Variants in SUV39H2 observed in about 807,000 individuals in gnomAD.
The protein encoded by SUV39H2 is SUV39H2 histone lysine methyltransferase.
In SUV39H2, 10 loss-of-function variants were observed where a neutral mutation model predicts 47.5. The observed-to-expected ratio is 0.21, with a 90% CI of 0.13 to 0.36. The LOEUF is 0.36. Ranked by LOEUF, SUV39H2 falls within the 10% of genes least tolerant of loss-of-function variation. The pLI is 1.00. For missense variants in SUV39H2, 266 were observed against 487.4 expected (o/e 0.55, Z 4.28); for synonymous variants, 159 against 166.8 (o/e 0.95, Z 0.36).
At chr10:14,888,730 G>A (rs1833293010) in intron 2 of SUV39H2, among the ~76,000 whole-genome samples, 1 of 152,076 alleles carries the variant, frequency 6.6e-6, no homozygotes, top group Admixed American at 6.6e-5. Flanking sequence ...TCAGAGAACT[G>A]GAAAGAATCC....
Position 14,892,816 on chromosome 10 carries a change from C to CT in SUV39H2, c.178-4015dup, listed in dbSNP as rs543122499. ...CACCGAAGATAGTTGGGGGAAATGT[C>CT]TTTTTTTTTTTTTTTGGAGACGGGG... On this transcript the variant is annotated intron_variant, in intron 2 of 5. Transcript: ENST00000354919. Among the ~76,000 whole-genome samples the CT allele has an allele frequency of 6.4e-3, 893 of 139,470 alleles. 1 individual carries two copies. Among genetic ancestry groups the CT allele is most frequent in the African/African-American group, 0.011 (401 of 37,952 alleles). The allele number at this position is 139,470 out of a possible 152,430, so 91.5% of individuals were successfully genotyped here.
intron 2 of SUV39H2, among the ~76,000 whole-genome samples, chr10:14,894,566 A>T (rs1833503908): frequency 1.5e-5 from 1 of 65,404 alleles, no homozygotes; most frequent in Non-Finnish European, 2.6e-5. Flanking sequence ...ACGGGGTTTC[A>T]CCGTGTTAGC....
intron 2 of SUV39H2, among the ~76,000 whole-genome samples, chr10:14,894,650 A>ATTTCT: frequency 3.5e-5 from 2 of 57,448 alleles, no homozygotes; most frequent in Non-Finnish European, 2.9e-5. Context: ...TACAGGCGTG[A>ATTTCT]GCCACCGCGC....
In SUV39H2 at chr10:14,897,430, C is replaced by T; in HGVS notation, c.762C>T (p.Ile254=). The T allele has an allele frequency of 6.2e-7, 1 of 1,612,910 alleles. No individual in the cohort carries two copies. The highest frequency in any genetic ancestry group is 8.5e-7 in the Non-Finnish European group (1 of 1,179,234). ...VQKGTQYSLC[I]FRTSNGRGWG... ...AAGGCACACAGTATTCGCTTTGCATCTTTCGAACTAGCAATGGACGTGGCT... is the reference window on the plus strand; with the variant it reads ...AAGGCACACAGTATTCGCTTTGCATTTTTCGAACTAGCAATGGACGTGGCT... The change falls in exon 3 of 6, where the codon ATC becomes ATT. Residue 254 remains isoleucine (I), a synonymous_variant. Transcript: ENST00000354919.
chr10:14,894,957 C>T (rs1182574604), intron 2 of SUV39H2, among the ~76,000 whole-genome samples: 1 of 152,088 alleles, frequency 6.6e-6, no homozygotes, highest in African/African-American at 2.4e-5. Context: ...AAGCAGTTAT[C>T]TCAATTAACA....
intron 2 of SUV39H2, among the ~76,000 whole-genome samples, chr10:14,892,943 C>G (rs1004164897): frequency 6.6e-6 from 1 of 151,582 alleles, no homozygotes; most frequent in African/African-American, 2.4e-5. Flanking sequence ...CCTCAGCCTC[C>G]CAAGTAGCTG....
chr10:14,885,279 A>C (rs1468161515), intron 2 of SUV39H2, among the ~76,000 whole-genome samples: 1 of 152,166 alleles, frequency 6.6e-6, no homozygotes, highest in Non-Finnish European at 1.5e-5. Flanking sequence ...TTCCTCCTTC[A>C]TACCTGGATT....
intron 2 of SUV39H2, among the ~76,000 whole-genome samples, chr10:14,889,287 T>C (rs1256494685): frequency 6.6e-6 from 1 of 152,014 alleles, no homozygotes; most frequent in Non-Finnish European, 1.5e-5. Flanking sequence ...TTTGAGGAGG[T>C]ATTATGCATG....
At chr10:14,889,609 T>C (rs1588840404) in intron 2 of SUV39H2, among the ~76,000 whole-genome samples, 1 of 152,294 alleles carries the variant, frequency 6.6e-6, no homozygotes, top group African/African-American at 2.4e-5. Context: ...GTTAAGGCAG[T>C]TAATGCCTGG....
chr10:14,879,372 A>G (rs1036149329), intron 1 of SUV39H2, among the ~76,000 whole-genome samples: 6 of 152,208 alleles, frequency 3.9e-5, no homozygotes, highest in Non-Finnish European at 7.3e-5. Flanking sequence ...CGGCGTGAAC[A>G]TGACCTTAAT....
At chr10:14,899,006 T>G (rs541419235) in intron 3 of SUV39H2, 65 of 520,952 alleles carry the variant, frequency 1.2e-4, no homozygotes, top group Non-Finnish European at 2.0e-4. Flanking sequence ...AGTAATGCAG[T>G]GTTCCAATGT....
At chr10:14,899,286 T>C in intron 3 of SUV39H2, 1 of 702,346 alleles carries the variant, frequency 1.4e-6, no homozygotes, top group Non-Finnish European at 2.6e-6. Flanking sequence ...CACCACCGCA[T>C]TCTAGCCTGA....
intron 2 of SUV39H2, among the ~76,000 whole-genome samples, chr10:14,895,618 T>C (rs1833555709): frequency 6.6e-6 from 1 of 152,154 alleles, no homozygotes; most frequent in African/African-American, 2.4e-5. Context: ...GAGGGATAGA[T>C]TAGAATAGTT....
At position 14,881,525 on chromosome 10, in the gene SUV39H2, A is replaced by T. The variant is rs1833039424; in HGVS notation, c.57A>T (p.Ser19=). 1 of 1,590,904 alleles carries T rather than the reference A, an allele frequency of 6.3e-7. No individual in the cohort carries two copies. Among genetic ancestry groups the T allele is most frequent in the South Asian group, 1.2e-5 (1 of 86,162 alleles). ...RGAWCVPCLV[S]LDTLQELCRK... Reference sequence around the variant, plus strand: ...CTTGGTGTGTGCCTTGCCTAGTTTCACTTGATACTCTTCAGGAATTATGTA... The same window carrying T: ...CTTGGTGTGTGCCTTGCCTAGTTTCTCTTGATACTCTTCAGGAATTATGTA... The change falls in exon 2 of 6, where the codon TCA becomes TCT. Residue 19 remains serine, a synonymous_variant. Transcript: ENST00000354919.
intron 2 of SUV39H2, among the ~76,000 whole-genome samples, chr10:14,885,770 T>G (rs1250697074): frequency 6.6e-6 from 1 of 152,214 alleles, no homozygotes; most frequent in Non-Finnish European, 1.5e-5. Context: ...TTCTCTTTCT[T>G]TTACAAATTC....
chr10:14,899,848 G>C (rs1029271379), intron 4 of SUV39H2, among the ~76,000 whole-genome samples, 163 bp downstream of exon 4: 1 of 152,160 alleles, frequency 6.6e-6, no homozygotes. Flanking sequence ...TATTATTGCT[G>C]TATTAGGAAA....
intron 2 of SUV39H2, among the ~76,000 whole-genome samples, chr10:14,892,784 TAA>T (rs1833429720): frequency 6.6e-6 from 1 of 151,942 alleles, no homozygotes; most frequent in African/African-American, 2.4e-5. Flanking sequence ...TGAATGACTT[TAA>T]CTGACACCGA....
chr10:14,900,893 G>A (rs1377072183), intron 4 of SUV39H2, among the ~76,000 whole-genome samples: 2 of 152,126 alleles, frequency 1.3e-5, no homozygotes, highest in African/African-American at 4.8e-5. Context: ...ACTAATTGTT[G>A]AAGCTGTATA....
intron 2 of SUV39H2, among the ~76,000 whole-genome samples, chr10:14,892,999 A>ATTTTTTTTTTTT (rs869161891): frequency 2.5e-5 from 2 of 79,940 alleles, no homozygotes; most frequent in Non-Finnish European, 5.1e-5. Context: ...AATTTTTTGT[A>ATTTTTTTTTTTT]TTTTTTTTTT....
Sources: allele counts gnomAD v4.1 joint callset (sites outside exome capture counted in the v4.1 genomes callset), GRCh38; gene constraint gnomAD v4.1.1; transcripts MANE v1.5; gene names NCBI Gene and HGNC (gene_info 2026-07-23, HGNC 2026-07-21).